Variants in C16orf78 observed in about 807,000 individuals in gnomAD.
The protein encoded by C16orf78 is uncharacterized protein C16orf78.
A neutral mutation model predicts 27.3 loss-of-function variants in C16orf78; 19 were observed. The observed-to-expected ratio is 0.70, with a 90% CI of 0.49 to 1.02. The LOEUF is 1.02. Ranked by LOEUF, C16orf78 falls within the 50% of genes least tolerant of loss-of-function variation. The pLI is 0.00. For synonymous variants in C16orf78, 130 were observed against 116.1 expected, an observed-to-expected ratio of 1.12 and a Z score of -0.77; for missense variants, 339 against 337.0, an observed-to-expected ratio of 1.01 and a Z score of -0.05.
At chr16:49,394,967 G>A (rs152668) in intron 3 of C16orf78, among the ~76,000 whole-genome samples, 60,957 of 151,844 alleles carry the variant, frequency 0.4, 14,691 homozygotes, top group African/African-American at 0.68. Flanking sequence ...TCCTGGGCTC[G>A]AGCAATCCTC....
At chr16:49,394,088 T>C (rs1410900061) in intron 3 of C16orf78, among the ~76,000 whole-genome samples, 1 of 152,076 alleles carries the variant, frequency 6.6e-6, no homozygotes, top group Admixed American at 6.6e-5. Context: ...ATTTTCCCAC[T>C]AAAAAATGGC....
chr16:49,394,754 T>C (rs563110651), intron 3 of C16orf78, among the ~76,000 whole-genome samples: 1 of 152,208 alleles, frequency 6.6e-6, no homozygotes, highest in East Asian at 1.9e-4. Flanking sequence ...GATATGTTCA[T>C]TTTTTCCCCT....
At chr16:49,376,395 G>T (rs1011172507) in intron 1 of C16orf78, among the ~76,000 whole-genome samples, 1 of 152,194 alleles carries the variant, frequency 6.6e-6, no homozygotes, top group East Asian at 1.9e-4. Flanking sequence ...CCAAAATGGG[G>T]GCTGTGTGGG....
rs771536334 is a variant in C16orf78 at position 49,396,412 on chromosome 16, T to C, written c.395-11T>C. The C allele has an allele frequency of 1.9e-5, 30 of 1,613,562 alleles. No homozygotes were observed. The highest frequency in any genetic ancestry group is 2.4e-5 in the Non-Finnish European group (28 of 1,179,730). On this transcript the variant is annotated splice_polypyrimidine_tract_variant and intron_variant, in intron 3 of 4. Coordinates refer to ENST00000299191, the MANE Select transcript of C16orf78 (RefSeq NM_144602.4). ...CGGTCTAACTCTTTGATGGCATCTG[T>C]CCAATTTCAGATACAGACATCAAGG...
rs1965514043 is a variant in C16orf78 at position 49,399,409 on chromosome 16, A to G, written c.*131A>G. 2 of 1,125,996 alleles carry G rather than the reference A, an allele frequency of 1.8e-6. No individual in the cohort carries two copies. The highest frequency in any genetic ancestry group is 3.1e-5 in the African/African-American group (2 of 64,306). 69.8% of individuals were successfully genotyped at this position (1,125,996 alleles called of 1,614,324 possible). A position where few individuals can be genotyped will look rare whatever the true frequency, so the allele number is the denominator to read the frequency against. On this transcript the variant is annotated 3_prime_UTR_variant, in exon 5 of 5. Transcript: ENST00000299191. ...CCCTTTAGAAAGTAAGCAATCAGAA[A>G]ACAAGCCTCGGCTGTGTGATCATTG...
intron 3 of C16orf78, among the ~76,000 whole-genome samples, chr16:49,390,409 T>C (rs1965398528): frequency 6.6e-6 from 1 of 152,248 alleles, no homozygotes; most frequent in Non-Finnish European, 1.5e-5. Flanking sequence ...TCTTCATCTT[T>C]CAGTCTTTTC....
chr16:49,393,861 AAAAAG>A (rs1965442069), intron 3 of C16orf78, among the ~76,000 whole-genome samples: 1 of 152,128 alleles, frequency 6.6e-6, no homozygotes, highest in African/African-American at 2.4e-5. Flanking sequence ...AAGCCTTGTT[AAAAAG>A]AAGAGTAAAA....
At chr16:49,398,554 T>C (rs1386864874) in intron 4 of C16orf78, among the ~76,000 whole-genome samples, 1 of 152,246 alleles carries the variant, frequency 6.6e-6, no homozygotes, top group Non-Finnish European at 1.5e-5. Context: ...TCTGTATCTT[T>C]CCCGGCCCAT....
chr16:49,392,266 C>T (rs1396238460), intron 3 of C16orf78, among the ~76,000 whole-genome samples: 1 of 152,204 alleles, frequency 6.6e-6, no homozygotes, highest in Non-Finnish European at 1.5e-5. Context: ...CTGACCCCAA[C>T]TCACATAAGT....
intron 4 of C16orf78, 69 bp downstream of exon 4, chr16:49,396,747 G>C: frequency 6.5e-7 from 1 of 1,543,056 alleles, no homozygotes. Flanking sequence ...TCTTGTCCCT[G>C]GCTCAAACAC....
intron 3 of C16orf78, among the ~76,000 whole-genome samples, chr16:49,395,374 C>T (rs1425256848): frequency 6.6e-6 from 1 of 152,188 alleles, no homozygotes; most frequent in Non-Finnish European, 1.5e-5. Flanking sequence ...AACCTTCAGG[C>T]TGGCCACATG....
At chr16:49,390,506 T>G (rs946120885) in intron 3 of C16orf78, among the ~76,000 whole-genome samples, 4 of 152,198 alleles carry the variant, frequency 2.6e-5, no homozygotes, top group South Asian at 2.1e-4. Flanking sequence ...CTTCTGTTAA[T>G]CCCATCCAAT....
chr16:49,389,973 A>C (rs567304856), intron 3 of C16orf78, among the ~76,000 whole-genome samples: 1 of 152,230 alleles, frequency 6.6e-6, no homozygotes, highest in South Asian at 2.1e-4. Flanking sequence ...TAGCTTTTGT[A>C]TATCCAGAAA....
chr16:49,387,926 A>T (rs1030959324), intron 3 of C16orf78, among the ~76,000 whole-genome samples: 2 of 152,002 alleles, frequency 1.3e-5, no homozygotes, highest in Admixed American at 1.3e-4. Flanking sequence ...AATTATGTCT[A>T]TTTGGATCCT....
In C16orf78 at chr16:49,398,353, G is replaced by T. The variant is rs183139706; in HGVS notation, c.651-778G>T. Among the ~76,000 whole-genome samples, 416 of 152,322 alleles carry T rather than the reference G, an allele frequency of 2.7e-3. 4 individuals are homozygous for T. The highest frequency in any genetic ancestry group is 8.9e-3 in the African/African-American group (368 of 41,572). On this transcript the variant is annotated intron_variant, in intron 4 of 4. Transcript: ENST00000299191. ...TACTAAAGCTGGGACCAAGGTCAGA[G>T]TTGCTGGTAGAACAAGGAGCTCTCT...
chr16:49,396,765 T>C, intron 4 of C16orf78, 87 bp downstream of exon 4: 1 of 1,489,200 alleles, frequency 6.7e-7, no homozygotes, highest in South Asian at 1.4e-5. Context: ...CACCTTGGCT[T>C]AGCCTGAAGA....
intron 3 of C16orf78, among the ~76,000 whole-genome samples, chr16:49,382,613 C>A (rs1420255352): frequency 6.6e-6 from 1 of 152,108 alleles, no homozygotes; most frequent in African/African-American, 2.4e-5. Context: ...AACTCCAAGA[C>A]TGGGTAAGGT....
At chr16:49,379,854 G>T (rs1965266285) in intron 3 of C16orf78, among the ~76,000 whole-genome samples, 1 of 152,188 alleles carries the variant, frequency 6.6e-6, no homozygotes, top group South Asian at 2.1e-4. Flanking sequence ...GCAAAGTATT[G>T]TTCCTAGGTG....
intron 4 of C16orf78, among the ~76,000 whole-genome samples, chr16:49,398,321 C>T (rs1451903231): frequency 1.3e-5 from 2 of 152,188 alleles, no homozygotes; most frequent in African/African-American, 4.8e-5. Context: ...AGGGGGCCTA[C>T]ACCCTATACT....
Sources: gnomAD v4.1 joint callset for allele counts (sites outside exome capture counted in the v4.1 genomes callset) on GRCh38, gnomAD v4.1.1 for gene constraint, MANE v1.5 for transcripts, NCBI Gene and HGNC (gene_info 2026-07-23, HGNC 2026-07-21) for gene names.